PTPRN2: variants seen among roughly 807,000 people sequenced by gnomAD.
PTPRN2 encodes protein tyrosine phosphatase receptor type N2.
In PTPRN2, 74 loss-of-function variants were observed where a neutral mutation model predicts 118.8. The observed-to-expected ratio is 0.62, with a 90% CI of 0.52 to 0.76. The LOEUF is 0.76. PTPRN2 is among the 30% of genes least tolerant of loss of function. PTPRN2 has a pLI of 0.00. For missense variants in PTPRN2, 1,481 were observed against 1,394.4 expected, an observed-to-expected ratio of 1.06 and a Z score of -0.99; for synonymous variants, 641 against 608.0, an observed-to-expected ratio of 1.05 and a Z score of -0.80.
At chr7:157,793,655 T>C (rs1804669146) in intron 12 of PTPRN2, among the ~76,000 whole-genome samples, 1 of 152,176 alleles carries the variant, frequency 6.6e-6, no homozygotes. Context: ...GGAAAACACG[T>C]TGGCTTCTCT....
intron 12 of PTPRN2, among the ~76,000 whole-genome samples, chr7:157,823,745 T>G (rs1585559681): frequency 6.6e-6 from 1 of 152,218 alleles, no homozygotes; most frequent in Non-Finnish European, 1.5e-5. Context: ...AGGCTTGATA[T>G]ATATAGTCTA....
At chr7:158,491,201 G>A (rs1361784099) in intron 1 of PTPRN2, among the ~76,000 whole-genome samples, 1 of 152,198 alleles carries the variant, frequency 6.6e-6, no homozygotes. Context: ...CCAACGCTGG[G>A]AGTTCACAGG....
intron 12 of PTPRN2, among the ~76,000 whole-genome samples, chr7:157,867,680 G>A (rs1321595624): frequency 1.3e-5 from 2 of 152,212 alleles, no homozygotes; most frequent in South Asian, 2.1e-4. Flanking sequence ...CTAGATTCAC[G>A]TAAATCAACA....
Position 157,640,830 on chromosome 7 carries a change from A to G in PTPRN2, c.2196+15527T>C, listed in dbSNP as rs554390986. Among the ~76,000 whole-genome samples the G allele has an allele frequency of 5.9e-5, 9 of 152,370 alleles. No homozygotes were observed. The South Asian group carries it at 1.9e-3, about 32-fold the overall frequency. On this transcript the variant is annotated intron_variant, in intron 14 of 22. Coordinates refer to ENST00000389418, the MANE Select transcript of PTPRN2 (RefSeq NM_002847.5). ...TGACCCTTGGCTAATCTGTTATGCA[A>G]GTGTGAGGATCAAAGACATTTTCAG...
chr7:158,319,527 TCA>T (rs137902491), intron 2 of PTPRN2, among the ~76,000 whole-genome samples: 2 of 34,966 alleles, frequency 5.7e-5, no homozygotes, highest in East Asian at 1.1e-3. Context: ...ACAGCCTCCC[TCA>T]CACACACAGC....
At chr7:158,116,000 G>T (rs1816698110) in intron 9 of PTPRN2, among the ~76,000 whole-genome samples, 1 of 152,288 alleles carries the variant, frequency 6.6e-6, no homozygotes, top group African/African-American at 2.4e-5. Context: ...AGTTTTATAA[G>T]ACAGGCCCGC....
At chr7:157,965,708 CT>C (rs1317351362) in intron 11 of PTPRN2, among the ~76,000 whole-genome samples, 3 of 152,168 alleles carry the variant, frequency 2.0e-5, no homozygotes, top group African/African-American at 7.2e-5. Flanking sequence ...TCTTTCCCCT[CT>C]CCTAAATCAC....
rs77152056 is a variant in PTPRN2, at chr7:157,938,825, C to T, written c.1724-40088G>A. On this transcript the variant is annotated intron_variant, in intron 11 of 22. Transcript: ENST00000389418. The stretch of plus-strand genomic sequence containing the variant: ...CTTATGTAGGATGATCCAACCCTGG[C>T]AGTAAAAGGGAGGGTTTTAAATCTA... Among the ~76,000 whole-genome samples, 1,456 of 152,322 alleles carry T rather than the reference C, an allele frequency of 9.6e-3. 83 individuals are homozygous for T. In the East Asian group the frequency reaches 0.17, roughly 18 times the overall value.
intron 3 of PTPRN2, among the ~76,000 whole-genome samples, chr7:158,294,955 T>C (rs1414046966): frequency 1.5e-5 from 2 of 137,154 alleles, no homozygotes; most frequent in East Asian, 2.2e-4. Flanking sequence ...TTTCTGAGGG[T>C]CCAAGCCCAC....
chr7:158,397,107 A>C (rs941485049), intron 2 of PTPRN2, among the ~76,000 whole-genome samples: 6 of 152,244 alleles, frequency 3.9e-5, no homozygotes, highest in African/African-American at 1.4e-4. Context: ...ATCTGCTGTA[A>C]GAGTGCCTCC....
intron 2 of PTPRN2, among the ~76,000 whole-genome samples, chr7:158,370,255 C>T (rs984993482): frequency 4.0e-5 from 6 of 151,836 alleles, no homozygotes; most frequent in Admixed American, 6.6e-5. Context: ...CTGGCCGACA[C>T]GGCAAAACCC....
At chr7:158,278,373 C>T (rs534412726) in intron 3 of PTPRN2, among the ~76,000 whole-genome samples, 6 of 151,094 alleles carry the variant, frequency 4.0e-5, no homozygotes, top group South Asian at 4.2e-4. Context: ...TTCAGCTGGA[C>T]GTGAAGGTGG....
chr7:158,106,376 C>T (rs1815683954), intron 10 of PTPRN2, among the ~76,000 whole-genome samples: 1 of 152,116 alleles, frequency 6.6e-6, no homozygotes, highest in Admixed American at 6.5e-5. Context: ...TCCCAACCTC[C>T]ACCTCTGCTC....
rs1478395983 is a variant in PTPRN2, at chr7:158,171,314, T to TACACAC, written c.550-4024_550-4023insGTGTGT. Among the ~76,000 whole-genome samples, 134 of 98,210 alleles carry TACACAC rather than the reference T, an allele frequency of 1.4e-3. 3 individuals are homozygous for TACACAC. The highest frequency in any genetic ancestry group is 1.6e-3 in the Non-Finnish European group (79 of 49,516). 64.4% of individuals were successfully genotyped at this position (98,210 alleles called of 152,430 possible). A position where few individuals can be genotyped will look rare whatever the true frequency, so the allele number is the denominator to read the frequency against. ...ACACACATATATATACACACATATATATATATATATATATATATATATATA... is the reference window on the plus strand; with the variant it reads ...ACACACATATATATACACACATATATACACACATATATATATATATATATATATATA... On this transcript the variant is annotated intron_variant, in intron 5 of 22. Coordinates refer to ENST00000389418, the MANE Select transcript of PTPRN2 (RefSeq NM_002847.5).
chr7:158,205,992 G>C (rs567997675), intron 3 of PTPRN2, among the ~76,000 whole-genome samples: 1 of 152,238 alleles, frequency 6.6e-6, no homozygotes, highest in East Asian at 1.9e-4. Flanking sequence ...AAACTTGAAG[G>C]CTGCCTATGA....
intron 2 of PTPRN2, 111 bp downstream of exon 2, chr7:158,489,624 C>A: frequency 8.6e-7 from 1 of 1,163,594 alleles, no homozygotes; most frequent in Admixed American, 3.2e-5. Flanking sequence ...GGCAGCGCGC[C>A]CCGGGCGGCC....
In PTPRN2 at chr7:158,246,405, G is replaced by A. The variant is rs867704167; in HGVS notation, c.278-41132C>T. 4.6e-5 allele frequency among the ~76,000 whole-genome samples: 7 copies of A among 151,502 alleles called. No homozygotes were observed. In the South Asian group the frequency reaches 6.3e-4, roughly 14 times the overall value. ...GAGTCGAGACGCGTCTCTCTACCAAGAAGGAAGAAGACGGCTCTCACTGCC... is the reference window on the plus strand; with the variant it reads ...GAGTCGAGACGCGTCTCTCTACCAAAAAGGAAGAAGACGGCTCTCACTGCC... On this transcript the variant is annotated intron_variant, in intron 3 of 22. Transcript: ENST00000389418.
chr7:158,261,903 T>C (rs1438110833), intron 3 of PTPRN2, among the ~76,000 whole-genome samples: 1 of 152,196 alleles, frequency 6.6e-6, no homozygotes, highest in Admixed American at 6.5e-5. Context: ...CAGTTAGTGC[T>C]CAGGAGGGAG....
chr7:157,706,344 G>C (rs901541940), intron 12 of PTPRN2, among the ~76,000 whole-genome samples: 3 of 151,712 alleles, frequency 2.0e-5, no homozygotes, highest in Admixed American at 6.6e-5. Context: ...GAGTGAATCT[G>C]ACCCAGTGCC....
Sources: allele counts gnomAD v4.1 joint callset (sites outside exome capture counted in the v4.1 genomes callset), GRCh38; gene constraint gnomAD v4.1.1; transcripts MANE v1.5; gene names NCBI Gene and HGNC (gene_info 2026-07-23, HGNC 2026-07-21).